The following MYRIP variants were observed in gnomAD, a reference collection of about 807,000 sequenced individuals.
The protein encoded by MYRIP is rab effector MyRIP.
MYRIP carries 49 observed loss-of-function variants against 98.0 expected under a neutral mutation model. That is an observed-to-expected ratio of 0.50 (90% CI 0.40 to 0.63). The LOEUF (loss-of-function observed/expected upper bound fraction) is 0.63. MYRIP is among the 30% of genes least tolerant of loss of function. MYRIP has a pLI of 0.00. For missense variants in MYRIP, 1,004 were observed against 1,058.2 expected (o/e 0.95, Z 0.71); for synonymous variants, 404 against 409.5 (o/e 0.99, Z 0.16).
rs1255970721 is a variant in MYRIP, at chr3:40,044,235, A to G, written c.296A>G (p.Glu99Gly). 5.6e-6 allele frequency: 9 copies of G among 1,614,084 alleles called. No homozygotes were observed. The highest frequency in any genetic ancestry group is 2.2e-5 in the East Asian group (1 of 44,888). The change falls in exon 3 of 17, where the codon GAA becomes GGA. Residue 99 changes from glutamate (E) to glycine (G), a missense_variant. Physicochemically the swap from Glu to Gly is moderately conservative, Grantham distance 98. Coordinates refer to ENST00000302541, the MANE Select transcript of MYRIP (RefSeq NM_015460.4). ...CKSCCSYQKH[E>G]KAWVCCVCQQ... is the part of the protein sequence containing the mutation. ...AGCTGCTGCTCCTACCAGAAGCACG[A>G]AAAGGCCTGGGTCTGCTGCGTCTGC...
At chr3:40,253,001 A>C (rs1464704915) in intron 16 of MYRIP, among the ~76,000 whole-genome samples, 2 of 152,216 alleles carry the variant, frequency 1.3e-5, no homozygotes, top group Admixed American at 1.3e-4. Flanking sequence ...ACATTGGACT[A>C]ATCTATTACT....
chr3:40,173,049 A>C (rs1031916475), intron 8 of MYRIP: 2 of 152,188 alleles, frequency 1.3e-5, no homozygotes, highest in Non-Finnish European at 2.9e-5. Flanking sequence ...GTGAACAGAG[A>C]GGTATGGGAA....
At chr3:40,048,490 A>AGAAGT (rs57903598) in intron 3 of MYRIP, among the ~76,000 whole-genome samples, 40,312 of 151,864 alleles carry the variant, frequency 0.27, 5,471 homozygotes, top group East Asian at 0.36. Flanking sequence ...TAACTGTATC[A>AGAAGT]AATACCTGGG....
intron 3 of MYRIP, among the ~76,000 whole-genome samples, chr3:40,077,068 G>A (rs532981987): frequency 7.2e-5 from 11 of 152,042 alleles, no homozygotes; most frequent in Admixed American, 2.6e-4. Flanking sequence ...AAGGTGGCGC[G>A]TCTGGAGTTT....
intron 3 of MYRIP, among the ~76,000 whole-genome samples, chr3:40,091,685 G>A (rs933308164): frequency 2.6e-5 from 4 of 152,132 alleles, no homozygotes; most frequent in African/African-American, 4.8e-5. Flanking sequence ...GGTTTAATGA[G>A]TATTCCCATC....
At chr3:40,189,535 G>A (rs1553624345) in intron 9 of MYRIP, among the ~76,000 whole-genome samples, 1 of 152,212 alleles carries the variant, frequency 6.6e-6, no homozygotes, top group Non-Finnish European at 1.5e-5. Context: ...GCAGGAGTGG[G>A]ACAGTGCTGA....
At chr3:40,248,310 G>A (rs1312660291) in intron 13 of MYRIP, 1 of 152,190 alleles carries the variant, frequency 6.6e-6, no homozygotes, top group Non-Finnish European at 1.5e-5. Flanking sequence ...AGAGTTCCTG[G>A]AGAAAGCTTC....
At chr3:39,923,717 A>G (rs534069871) in intron 2 of MYRIP, among the ~76,000 whole-genome samples, 4 of 152,304 alleles carry the variant, frequency 2.6e-5, no homozygotes, top group Admixed American at 2.0e-4. Flanking sequence ...AAAAATATTG[A>G]TAAATACAAT....
chr3:39,863,140 T>C (rs1942520076), intron 1 of MYRIP, among the ~76,000 whole-genome samples: 1 of 151,816 alleles, frequency 6.6e-6, no homozygotes, highest in East Asian at 1.9e-4. Context: ...ACTACAATCA[T>C]AGGGACACAG....
intron 2 of MYRIP, among the ~76,000 whole-genome samples, chr3:39,922,963 A>T (rs886549157): frequency 2.3e-5 from 3 of 129,778 alleles, no homozygotes; most frequent in Non-Finnish European, 5.0e-5. Context: ...AACATACTAG[A>T]AACAAATAAT....
chr3:39,889,164 C>T (rs1182101919), intron 1 of MYRIP, among the ~76,000 whole-genome samples: 2 of 152,154 alleles, frequency 1.3e-5, no homozygotes, highest in Admixed American at 1.3e-4. Context: ...TTTGACCCAG[C>T]CATCCCATTA....
chr3:40,156,405 A>G (rs1387740428), intron 4 of MYRIP, among the ~76,000 whole-genome samples: 2 of 152,118 alleles, frequency 1.3e-5, no homozygotes, highest in Non-Finnish European at 2.9e-5. Flanking sequence ...GCCTTGTAGT[A>G]TAGTTTGAAG....
At chr3:40,229,829 G>A (rs958826682) in intron 11 of MYRIP, among the ~76,000 whole-genome samples, 1 of 152,144 alleles carries the variant, frequency 6.6e-6, no homozygotes, top group Non-Finnish European at 1.5e-5. Flanking sequence ...CAGTCAGCAG[G>A]ACACCAAGAG....
At chr3:40,231,090 G>C (rs1298318135) in intron 11 of MYRIP, among the ~76,000 whole-genome samples, 2 of 152,206 alleles carry the variant, frequency 1.3e-5, no homozygotes, top group Non-Finnish European at 2.9e-5. Context: ...CTCCCAAAGT[G>C]CTGGGATTAC....
Position 39,959,350 on chromosome 3 carries a change from A to T in MYRIP, c.110+58424A>T, listed in dbSNP as rs1279071303. The stretch of plus-strand genomic sequence containing the variant: ...ATGGAATACTATGCAGCCATACAAA[A>T]GGATGAGTTCATGTCCTTTGTAGGG... On this transcript the variant is annotated intron_variant, in intron 2 of 16. Coordinates refer to ENST00000302541, the MANE Select transcript of MYRIP (RefSeq NM_015460.4). 2.0e-5 allele frequency among the ~76,000 whole-genome samples: 3 copies of T among 152,224 alleles called. No homozygotes were observed. The South Asian group carries it at 6.2e-4, about 32-fold the overall frequency.
At chr3:40,099,922 C>T in intron 3 of MYRIP, 2 of 887,402 alleles carry the variant, frequency 2.3e-6, no homozygotes, top group South Asian at 5.2e-5. Context: ...CCTCTCTCTC[C>T]CTGTTGCACA....
At chr3:39,982,878 T>C (rs1945929566) in intron 2 of MYRIP, among the ~76,000 whole-genome samples, 1 of 152,156 alleles carries the variant, frequency 6.6e-6, no homozygotes, top group Non-Finnish European at 1.5e-5. Context: ...CCCAGTAATG[T>C]CAAACTCATA....
At chr3:40,055,742 CCAAA>C (rs1947872827) in intron 3 of MYRIP, among the ~76,000 whole-genome samples, 1 of 152,104 alleles carries the variant, frequency 6.6e-6, no homozygotes, top group Non-Finnish European at 1.5e-5. Context: ...TACATCCAGG[CCAAA>C]CAAACCTTGT....
intron 2 of MYRIP, among the ~76,000 whole-genome samples, chr3:39,941,947 C>A (rs1465862607): frequency 6.6e-6 from 1 of 152,078 alleles, no homozygotes; most frequent in Non-Finnish European, 1.5e-5. Context: ...ATGTTGGTTA[C>A]CCATTCAATG....
Sources: gnomAD v4.1 joint callset for allele counts (sites outside exome capture counted in the v4.1 genomes callset) on GRCh38, gnomAD v4.1.1 for gene constraint, MANE v1.5 for transcripts, NCBI Gene and HGNC (gene_info 2026-07-23, HGNC 2026-07-21) for gene names.